Variants in NKAIN2 observed in about 807,000 individuals in gnomAD.
NKAIN2 encodes sodium/potassium-transporting ATPase subunit beta-1-interacting protein 2.
In NKAIN2, 14 loss-of-function variants were observed where a neutral mutation model predicts 32.6. That is an observed-to-expected ratio of 0.43 (90% confidence interval 0.28 to 0.67). NKAIN2 has a LOEUF of 0.67. NKAIN2 is among the 30% of genes least tolerant of loss of function. The pLI, the probability that NKAIN2 is intolerant of heterozygous loss-of-function variation, is 0.17. For synonymous variants in NKAIN2, 80 were observed against 87.2 expected, an observed-to-expected ratio of 0.92 and a Z score of 0.46; for missense variants, 198 against 258.3, an observed-to-expected ratio of 0.77 and a Z score of 1.60.
At chr6:123,863,449 T>A (rs574658616) in intron 1 of NKAIN2, among the ~76,000 whole-genome samples, 8 of 152,320 alleles carry the variant, frequency 5.3e-5, no homozygotes, top group African/African-American at 1.7e-4. Context: ...GAACTTTTCT[T>A]TATGCCAGCA....
chr6:124,081,211 A>C (rs1277227239), intron 1 of NKAIN2, among the ~76,000 whole-genome samples: 1 of 152,072 alleles, frequency 6.6e-6, no homozygotes, highest in African/African-American at 2.4e-5. Flanking sequence ...ATTTTAGTTA[A>C]TCCTAATTTT....
chr6:124,510,860 C>G (rs1235566163), intron 3 of NKAIN2, among the ~76,000 whole-genome samples: 1 of 152,072 alleles, frequency 6.6e-6, no homozygotes, highest in East Asian at 1.9e-4. Context: ...CACAAAATAT[C>G]AAGGGAGAAT....
intron 1 of NKAIN2, among the ~76,000 whole-genome samples, chr6:124,105,270 G>A (rs78684942): frequency 0.011 from 1,697 of 152,254 alleles, 34 homozygotes; most frequent in African/African-American, 0.039. Context: ...GACAGGATGG[G>A]CTGACAGCAA....
At chr6:123,941,511 T>G (rs1776823657) in intron 1 of NKAIN2, among the ~76,000 whole-genome samples, 1 of 151,806 alleles carries the variant, frequency 6.6e-6, no homozygotes, top group Admixed American at 6.6e-5. Flanking sequence ...TTGATAGAAA[T>G]TTTTCAGCCC....
chr6:124,548,167 G>A (rs1780163343), intron 3 of NKAIN2, among the ~76,000 whole-genome samples: 1 of 152,138 alleles, frequency 6.6e-6, no homozygotes, highest in South Asian at 2.1e-4. Flanking sequence ...AGTCCAGTCT[G>A]TAGTATATCT....
intron 1 of NKAIN2, among the ~76,000 whole-genome samples, chr6:123,934,101 A>T (rs1271296361): frequency 6.6e-6 from 1 of 152,162 alleles, no homozygotes; most frequent in East Asian, 1.9e-4. Flanking sequence ...AATCAACAAC[A>T]ACTACTGCAA....
rs181594786 is a variant in NKAIN2, at chr6:124,440,923, T to G, written c.273+85576T>G. Among the ~76,000 whole-genome samples the G allele has an allele frequency of 2.2e-3, 329 of 152,206 alleles. 1 individual carries two copies. Among genetic ancestry groups the G allele is most frequent in the Non-Finnish European group, 3.9e-3 (262 of 67,978 alleles). ...GATTGTAAGTAGGTCCATTCCTACT[T>G]TGACTCCATAGTTTCTAGACACATA... On this transcript the variant is annotated intron_variant, in intron 3 of 6. Coordinates refer to ENST00000368417, the MANE Select transcript of NKAIN2 (RefSeq NM_001040214.3).
chr6:124,236,398 T>G (rs1032600700), intron 1 of NKAIN2, among the ~76,000 whole-genome samples: 2 of 152,086 alleles, frequency 1.3e-5, no homozygotes, highest in Non-Finnish European at 2.9e-5. Flanking sequence ...GAAGGCATTG[T>G]AATATTGATG....
intron 3 of NKAIN2, among the ~76,000 whole-genome samples, chr6:124,418,940 A>G (rs1363910892): frequency 2.6e-5 from 4 of 152,118 alleles, no homozygotes; most frequent in Non-Finnish European, 5.9e-5. Flanking sequence ...CATCTTTCTT[A>G]CATGCTTTGC....
chr6:124,135,633 A>C (rs1202841542), intron 1 of NKAIN2, among the ~76,000 whole-genome samples: 1 of 152,028 alleles, frequency 6.6e-6, no homozygotes, highest in Non-Finnish European at 1.5e-5. Flanking sequence ...AAATTCATAA[A>C]ACAATTATTA....
chr6:124,290,511 TGTGTGTGTG>T (rs553884809), intron 2 of NKAIN2, among the ~76,000 whole-genome samples: 378 of 16,028 alleles, frequency 0.024, 2 homozygotes, highest in African/African-American at 0.11. Context: ...ACCTCAGAAA[TGTGTGTGTG>T]TGTGTGTGTG....
intron 2 of NKAIN2, among the ~76,000 whole-genome samples, chr6:124,338,795 C>T (rs1422892295): frequency 1.3e-5 from 2 of 152,102 alleles, no homozygotes; most frequent in African/African-American, 2.4e-5. Context: ...TATTTGCATG[C>T]CATTTAAAGA....
chr6:124,540,742 C>CA (rs1474440850), intron 3 of NKAIN2, among the ~76,000 whole-genome samples: 1 of 152,202 alleles, frequency 6.6e-6, no homozygotes, highest in Non-Finnish European at 1.5e-5. Context: ...TTCAAGTACT[C>CA]ATACAATTAT....
chr6:124,238,539 G>C (rs1792898447), intron 1 of NKAIN2, among the ~76,000 whole-genome samples: 1 of 152,000 alleles, frequency 6.6e-6, no homozygotes, highest in South Asian at 2.1e-4. Flanking sequence ...ATATAGCTTG[G>C]AAAACAGGAT....
At chr6:124,822,083 C>T (rs1025405049) in intron 6 of NKAIN2, among the ~76,000 whole-genome samples, 4 of 152,138 alleles carry the variant, frequency 2.6e-5, no homozygotes, top group African/African-American at 9.7e-5. Context: ...CATGGCTGTG[C>T]CTCTCTCCCT....
chr6:124,354,794 T>C (rs1187992902), intron 2 of NKAIN2, among the ~76,000 whole-genome samples: 1 of 150,446 alleles, frequency 6.6e-6, no homozygotes, highest in Non-Finnish European at 1.5e-5. Flanking sequence ...AACCTAAAAA[T>C]TTATCCTTAA....
intron 3 of NKAIN2, among the ~76,000 whole-genome samples, chr6:124,470,930 A>T (rs2114672258): frequency 6.6e-6 from 1 of 152,242 alleles, no homozygotes; most frequent in South Asian, 2.1e-4. Context: ...ACTACAGCTT[A>T]AGGGTCAAAT....
At chr6:124,038,984 G>A (rs759675203) in intron 1 of NKAIN2, among the ~76,000 whole-genome samples, 7 of 151,976 alleles carry the variant, frequency 4.6e-5, no homozygotes, top group Admixed American at 2.0e-4. Context: ...AAGTTTTCAT[G>A]GTCATGGTTA....
At chr6:124,460,081 A>G (rs536060763) in intron 3 of NKAIN2, among the ~76,000 whole-genome samples, 1 of 151,836 alleles carries the variant, frequency 6.6e-6, no homozygotes, top group East Asian at 1.9e-4. Context: ...CACTTAATTT[A>G]CAGAGCTATG....
Sources: allele counts gnomAD v4.1 joint callset (sites outside exome capture counted in the v4.1 genomes callset), GRCh38; gene constraint gnomAD v4.1.1; transcripts MANE v1.5; gene names NCBI Gene and HGNC (gene_info 2026-07-23, HGNC 2026-07-21).